Variants in PCSK6 observed in about 807,000 individuals in gnomAD.
PCSK6 encodes the protein proprotein convertase subtilisin/kexin type 6, also known as paired basic amino acid cleaving enzyme 4.
Under a neutral mutation model 123.3 loss-of-function variants are expected in PCSK6, and 85 were observed. That is an observed-to-expected ratio of 0.69 (90% CI 0.58 to 0.83). The LOEUF (loss-of-function observed/expected upper bound fraction) is 0.83, where lower values mean the gene tolerates loss of function less well. Ranked by LOEUF, PCSK6 falls within the 40% of genes least tolerant of loss-of-function variation. PCSK6 has a pLI of 0.00. For synonymous variants in PCSK6, 508 were observed against 516.0 expected, an observed-to-expected ratio of 0.98 and a Z score of 0.21; for missense variants, 1,191 against 1,282.3, an observed-to-expected ratio of 0.93 and a Z score of 1.09.
At chr15:101,409,907 A>G (rs946453664) in intron 6 of PCSK6, among the ~76,000 whole-genome samples, 3 of 152,172 alleles carry the variant, frequency 2.0e-5, no homozygotes, top group Admixed American at 6.5e-5. Context: ...CTCAGCCTGC[A>G]TTCTGGGAGG....
intron 21 of PCSK6, 28 bp downstream of exon 21, chr15:101,307,185 G>A: frequency 1.9e-6 from 3 of 1,550,156 alleles, no homozygotes; most frequent in Non-Finnish European, 2.7e-6. Context: ...TCCACAGGCA[G>A]CCCCAGGGTA....
At chr15:101,312,555 G>T (rs536061945) in intron 20 of PCSK6, among the ~76,000 whole-genome samples, 1 of 152,340 alleles carries the variant, frequency 6.6e-6, no homozygotes, top group East Asian at 1.9e-4. Context: ...TTTAGGCCAG[G>T]TGTGGTGGCT....
Position 101,343,813 on chromosome 15 carries a change from G to A in PCSK6, c.1859-11782C>T, listed in dbSNP as rs183684751. Among the ~76,000 whole-genome samples the A allele has an allele frequency of 1.5e-3, 229 of 152,238 alleles. 1 individual carries two copies. The highest frequency in any genetic ancestry group is 5.2e-3 in the African/African-American group (215 of 41,536). ...TGTTTGAAAAGTGGGTGTATTGGCCGGGCGCGGTGGCTCATGCCTGTAATC... is the reference window on the plus strand; with the variant it reads ...TGTTTGAAAAGTGGGTGTATTGGCCAGGCGCGGTGGCTCATGCCTGTAATC... On this transcript the variant is annotated intron_variant, in intron 13 of 21. Transcript: ENST00000611716.
chr15:101,427,993 A>G lies in PCSK6; in HGVS notation c.735-13T>C, dbSNP rs369500237. The G allele has an allele frequency of 6.4e-7, 1 of 1,560,522 alleles. No individual in the cohort carries two copies. The highest frequency in any genetic ancestry group is 1.2e-5 in the South Asian group (1 of 84,626). Reference sequence around the variant, plus strand: ...ACGAGTGCCGTGTCTGAAACAAAGGAAAAAACCAAGTGAGGACGCAGCCCA... The same window carrying G: ...ACGAGTGCCGTGTCTGAAACAAAGGGAAAAACCAAGTGAGGACGCAGCCCA... On this transcript the variant is annotated splice_polypyrimidine_tract_variant and intron_variant, in intron 5 of 21. Coordinates refer to ENST00000611716, the MANE Select transcript of PCSK6 (RefSeq NM_002570.5).
Position 101,480,345 on chromosome 15 carries a change from G to A in PCSK6, c.297+9029C>T, listed in dbSNP as rs9920225. On this transcript the variant is annotated intron_variant, in intron 1 of 21. Transcript: ENST00000611716. Reference sequence around the variant, plus strand: ...GTGCGGCTGGGCAGAGCCACAGGTCGGGCGTGGCTGCGGGGCCCTGTGGAG... The same window carrying A: ...GTGCGGCTGGGCAGAGCCACAGGTCAGGCGTGGCTGCGGGGCCCTGTGGAG... Among the ~76,000 whole-genome samples, 1,381 of 152,370 alleles carry A rather than the reference G, an allele frequency of 9.1e-3. 28 individuals are homozygous for A. Among genetic ancestry groups the A allele is most frequent in the African/African-American group, 0.03 (1,261 of 41,584 alleles).
At chr15:101,441,089 T>C (rs995416280) in intron 2 of PCSK6, among the ~76,000 whole-genome samples, 1 of 152,190 alleles carries the variant, frequency 6.6e-6, no homozygotes, top group African/African-American at 2.4e-5. Context: ...ACTGGCAGGA[T>C]GCATTGATAG....
chr15:101,484,440 T>C (rs532512021), intron 1 of PCSK6, among the ~76,000 whole-genome samples: 11 of 151,524 alleles, frequency 7.3e-5, no homozygotes, highest in African/African-American at 2.5e-4. Flanking sequence ...CAGACTGGAG[T>C]GCAGTCCTGT....
intron 1 of PCSK6, among the ~76,000 whole-genome samples, chr15:101,448,308 A>T (rs563122639): frequency 1.3e-5 from 2 of 152,332 alleles, no homozygotes; most frequent in South Asian, 4.1e-4. Context: ...GAACACTGGA[A>T]GGAATGAGAT....
intron 2 of PCSK6, among the ~76,000 whole-genome samples, chr15:101,432,366 T>C (rs887732015): frequency 6.7e-6 from 1 of 150,072 alleles, no homozygotes; most frequent in Admixed American, 6.7e-5. Context: ...CTCACGCCTG[T>C]CATCCCAGCA....
At chr15:101,441,010 G>T (rs2056740026) in intron 2 of PCSK6, among the ~76,000 whole-genome samples, 1 of 152,180 alleles carries the variant, frequency 6.6e-6, no homozygotes, top group Admixed American at 6.5e-5. Flanking sequence ...GAAACAATCA[G>T]CCAATCCTAG....
At chr15:101,380,022 G>C (rs992130432) in intron 11 of PCSK6, among the ~76,000 whole-genome samples, 1 of 152,202 alleles carries the variant, frequency 6.6e-6, no homozygotes, top group African/African-American at 2.4e-5. Context: ...TGAGACGGTA[G>C]GCTGGCTGAA....
intron 13 of PCSK6, among the ~76,000 whole-genome samples, chr15:101,347,937 G>A (rs1362150896): frequency 4.6e-5 from 7 of 152,224 alleles, no homozygotes; most frequent in Non-Finnish European, 8.8e-5. Context: ...AAAGAAACGG[G>A]GTGGTTGCTT....
At chr15:101,458,529 T>G (rs1299072123) in intron 1 of PCSK6, among the ~76,000 whole-genome samples, 2 of 152,152 alleles carry the variant, frequency 1.3e-5, no homozygotes, top group Admixed American at 1.3e-4. Flanking sequence ...GACTGTTGTT[T>G]GCTCACCATT....
chr15:101,440,569 A>G (rs758823386), intron 2 of PCSK6, among the ~76,000 whole-genome samples: 1 of 152,234 alleles, frequency 6.6e-6, no homozygotes, highest in Non-Finnish European at 1.5e-5. Flanking sequence ...TACCGTCTGC[A>G]TTTGATGGAA....
At chr15:101,362,904 T>C (rs2041275826) in intron 13 of PCSK6, among the ~76,000 whole-genome samples, 1 of 152,132 alleles carries the variant, frequency 6.6e-6, no homozygotes, top group Admixed American at 6.5e-5. Context: ...GACCCTGGCT[T>C]TAACAACCTG....
rs563818629 is a variant in PCSK6 at position 101,322,246 on chromosome 15, C to T, written c.2465+274G>A. Reference sequence around the variant, plus strand: ...GTGGAGGTGCTGGAGCGAAAGGAGGCGGATCTGGGCACAGCCCTGTGCTGT... The same window carrying T: ...GTGGAGGTGCTGGAGCGAAAGGAGGTGGATCTGGGCACAGCCCTGTGCTGT... On this transcript the variant is annotated intron_variant, in intron 18 of 21. Coordinates refer to ENST00000611716, the MANE Select transcript of PCSK6 (RefSeq NM_002570.5). 1.3e-4 allele frequency among the ~76,000 whole-genome samples: 20 copies of T among 152,280 alleles called. No homozygotes were observed. The South Asian group carries it at 2.3e-3, about 17-fold the overall frequency.
Position 101,416,987 on chromosome 15 carries a change from A to C in PCSK6, c.823+10905T>G, listed in dbSNP as rs190805447. Among the ~76,000 whole-genome samples, 503 of 152,334 alleles carry C rather than the reference A, an allele frequency of 3.3e-3. 2 individuals are homozygous for C. The highest frequency in any genetic ancestry group is 0.011 in the African/African-American group (439 of 41,578). ...GTCAGAACCCCCACAAAGAGTCCCT[A>C]CTGGGGTACTGCCTAGTGGACCTGT... On this transcript the variant is annotated intron_variant, in intron 6 of 21. Transcript: ENST00000611716.
intron 1 of PCSK6, among the ~76,000 whole-genome samples, chr15:101,458,452 G>C (rs2057249409): frequency 6.6e-6 from 1 of 152,156 alleles, no homozygotes; most frequent in Non-Finnish European, 1.5e-5. Context: ...GCTGTACACA[G>C]TCACTGGACC....
intron 15 of PCSK6, among the ~76,000 whole-genome samples, chr15:101,329,967 C>T (rs911238874): frequency 3.3e-5 from 5 of 152,224 alleles, no homozygotes; most frequent in East Asian, 1.9e-4. Flanking sequence ...GACCCCCAGG[C>T]GTCCCACACC....
Sources: allele counts gnomAD v4.1 joint callset (sites outside exome capture counted in the v4.1 genomes callset), GRCh38; gene constraint gnomAD v4.1.1; transcripts MANE v1.5; gene names NCBI Gene and HGNC (gene_info 2026-07-23, HGNC 2026-07-21).